Variants in HES7 observed in about 807,000 individuals in gnomAD.
HES7 encodes hes family bHLH transcription factor 7.
A neutral mutation model predicts 18.0 loss-of-function variants in HES7; 8 were observed. The ratio of observed to expected loss-of-function variants is 0.45; its 90% CI spans 0.26 to 0.80. HES7 has a LOEUF of 0.80. Among genes scored for constraint, HES7 ranks in the 30% least tolerant of loss-of-function variants. The pLI is 0.18. For missense variants in HES7, 356 were observed against 340.9 expected (o/e 1.04, Z -0.35); for synonymous variants, 170 against 158.6 (o/e 1.07, Z -0.54).
In HES7 at chr17:8,122,894, G is replaced by A; in HGVS notation, c.138+137C>T. 5.5e-6 allele frequency: 4 copies of A among 732,354 alleles called. No individual in the cohort carries two copies. The highest frequency in any genetic ancestry group is 1.7e-5 in the African/African-American group (1 of 57,584). 45.4% of individuals were successfully genotyped at this position (732,354 alleles called of 1,614,324 possible). ...TGAGAGCGAGTGGGGGTCTGGGATG[G>A]AATTCCAAAGGCGGGACTCGGGTGA... On this transcript the variant is annotated intron_variant, in intron 2 of 3. Coordinates refer to ENST00000541682, the MANE Select transcript of HES7 (RefSeq NM_001165967.2). This position sits in a 1 kb window ranked among gnomAD's most constrained non-coding sequence, Gnocchi z 6.9.
At chr17:8,125,805 C>T (rs915500734), upstream of HES7, among the ~76,000 whole-genome samples, 3 of 152,188 alleles carry the variant, frequency 2.0e-5, no homozygotes, top group Admixed American at 6.5e-5. Flanking sequence ...GGTTCGATTC[C>T]CGGCCAATGC....
upstream of HES7, among the ~76,000 whole-genome samples, chr17:8,125,802 T>C (rs1305461726): frequency 2.0e-5 from 3 of 152,224 alleles, no homozygotes; most frequent in East Asian, 1.9e-4. Context: ...CCGGGTTCGA[T>C]TCCCGGCCAA....
Position 8,123,370 on chromosome 17 carries a change from C to G in HES7, c.43-244G>C, listed in dbSNP as rs1334466010. ...TCTCAGTCTCGTCCTCCCTCCTCCC[C>G]TCTCTGTGTCTCTCCTCCTCTTTTC... On this transcript the variant is annotated intron_variant, in intron 1 of 3. Coordinates refer to ENST00000541682, the MANE Select transcript of HES7 (RefSeq NM_001165967.2). The surrounding 1 kb of genome is among the most constrained non-coding windows in gnomAD (Gnocchi z 5.9). 1 of 582,814 alleles carries G rather than the reference C, an allele frequency of 1.7e-6. No individual in the cohort carries two copies. The highest frequency in any genetic ancestry group is 3.1e-6 in the Non-Finnish European group (1 of 325,312). The allele number at this position is 582,814 out of a possible 1,614,324, so 36.1% of individuals were successfully genotyped here.
chr17:8,125,530 G>T (rs1346920510), upstream of HES7, among the ~76,000 whole-genome samples: 1 of 152,190 alleles, frequency 6.6e-6, no homozygotes. Flanking sequence ...GAGGCTGGGG[G>T]CCCCCGGCTG....
upstream of HES7, among the ~76,000 whole-genome samples, chr17:8,125,764 T>C (rs938291031): frequency 1.4e-4 from 22 of 152,146 alleles, no homozygotes; most frequent in Admixed American, 2.0e-4. Flanking sequence ...GGTTCAGTGG[T>C]AGAATTCTCG....
rs1981469388 is a variant in HES7 at position 8,123,476 on chromosome 17, C to T, written c.43-350G>A. On this transcript the variant is annotated intron_variant, in intron 1 of 3. Coordinates refer to ENST00000541682, the MANE Select transcript of HES7 (RefSeq NM_001165967.2). The surrounding 1 kb of genome is among the most constrained non-coding windows in gnomAD (Gnocchi z 5.9). ...ACTCTCTGCGCGCACGCACGTGCGC[C>T]GCACGGTGCCGGGCTCAGACCTGGC... is the stretch of plus-strand genomic sequence containing the variant. 2.5e-6 allele frequency: 1 copy of T among 399,962 alleles called. No individual in the cohort carries two copies. Among genetic ancestry groups the T allele is most frequent in the East Asian group, 5.2e-5 (1 of 19,212 alleles). The allele number at this position is 399,962 out of a possible 1,614,324, so 24.8% of individuals were successfully genotyped here.
upstream of HES7, among the ~76,000 whole-genome samples, chr17:8,126,390 C>A (rs1283421781): frequency 6.6e-6 from 1 of 152,118 alleles, no homozygotes; most frequent in Non-Finnish European, 1.5e-5. Context: ...CGCGTCTTGG[C>A]GTCTGCATCT....
At position 8,121,173 on chromosome 17, in the gene HES7, G is replaced by T; in HGVS notation, c.*398C>A. 1 of 174,774 alleles carries T rather than the reference G, an allele frequency of 5.7e-6. No individual in the cohort carries two copies. The highest frequency in any genetic ancestry group is 1.2e-5 in the Non-Finnish European group (1 of 83,274). The allele number at this position is 174,774 out of a possible 1,614,324, so 10.8% of individuals were successfully genotyped here. ...CTGTCTGCCCCGGGGCTTGGGCCAT[G>T]GAGAGCAGGACTGAGGGTGGGAGAC... On this transcript the variant is annotated 3_prime_UTR_variant, in exon 4 of 4. Transcript: ENST00000541682.
chr17:8,122,496 G>T lies in HES7; in HGVS notation c.139-66C>A. 8.8e-7 allele frequency: 1 copy of T among 1,139,334 alleles called. No individual in the cohort carries two copies. Among genetic ancestry groups the T allele is most frequent in the African/African-American group, 1.6e-5 (1 of 64,498 alleles). 70.6% of individuals were successfully genotyped at this position (1,139,334 alleles called of 1,614,324 possible). On this transcript the variant is annotated intron_variant, in intron 2 of 3. Transcript: ENST00000541682. The surrounding 1 kb of genome is among the most constrained non-coding windows in gnomAD (Gnocchi z 6.9). ...GGGAGAAAGGGGGAAAGTGGCAGGG[G>T]GAAGAAGGGAGGGACGGATGCGGGA...
upstream of HES7, among the ~76,000 whole-genome samples, chr17:8,126,617 A>G (rs2151855688): frequency 6.6e-6 from 1 of 151,986 alleles, no homozygotes; most frequent in African/African-American, 2.4e-5. Context: ...ACCTGCGGCG[A>G]CCACTTGTGA....
rs1004059410 is a variant in HES7 at position 8,124,094 on chromosome 17, G to C, written c.-10C>G. ...GATCCCGGGTGACCATTGCTCCTCC[G>C]GACCCTGTGTGGACCGGTTCCCTGC... is the stretch of plus-strand genomic sequence containing the variant. On this transcript the variant is annotated 5_prime_UTR_variant, in exon 1 of 4. Transcript: ENST00000541682. 2 of 1,613,984 alleles carry C rather than the reference G, an allele frequency of 1.2e-6. No homozygotes were observed. Among genetic ancestry groups the C allele is most frequent in the African/African-American group, 1.3e-5 (1 of 75,014 alleles).
chr17:8,121,559 AC>A lies in HES7; in HGVS notation c.*11del. 1.5e-6 allele frequency: 2 copies of A among 1,292,346 alleles called. No homozygotes were observed. The highest frequency in any genetic ancestry group is 9.7e-7 in the Non-Finnish European group (1 of 1,026,378). The allele number at this position is 1,292,346 out of a possible 1,614,324, so 80.1% of individuals were successfully genotyped here. ...CCCACCCCTAGACCCCGCCCCCACCACCCCCCAAGGCTCAGGGCCAAGGTCT... is the reference window on the plus strand; with the variant it reads ...CCCACCCCTAGACCCCGCCCCCACCACCCCCAAGGCTCAGGGCCAAGGTCT... On this transcript the variant is annotated 3_prime_UTR_variant, in exon 4 of 4. Transcript: ENST00000541682.
Position 8,122,556 on chromosome 17 carries a change from C to T in HES7, c.139-126G>A, listed in dbSNP as rs534588312. 2.1e-4 allele frequency: 149 copies of T among 707,140 alleles called. 1 individual carries two copies. In the East Asian group the frequency reaches 3.9e-3, roughly 18 times the overall value. The allele number at this position is 707,140 out of a possible 1,614,324, so 43.8% of individuals were successfully genotyped here. A position where few individuals can be genotyped will look rare whatever the true frequency, so the allele number is the denominator to read the frequency against. On this transcript the variant is annotated intron_variant, in intron 2 of 3. Transcript: ENST00000541682. This position sits in a 1 kb window ranked among gnomAD's most constrained non-coding sequence, Gnocchi z 6.9. ...GCCCCCGATCGCATTTGCGCACTGC[C>T]CACAGAACGCGCGACCAAATGCGGA...
chr17:8,124,100 T>C lies in HES7; in HGVS notation c.-16A>G, dbSNP rs1012262426. On this transcript the variant is annotated 5_prime_UTR_variant, in exon 1 of 4. Transcript: ENST00000541682. ...GGGTGACCATTGCTCCTCCGGACCC[T>C]GTGTGGACCGGTTCCCTGCTCGCCT... is the stretch of plus-strand genomic sequence containing the variant. The C allele has an allele frequency of 3.1e-6, 5 of 1,613,848 alleles. No homozygotes were observed. The African/African-American group carries it at 5.3e-5, about 17-fold the overall frequency.
Position 8,122,533 on chromosome 17 carries a change from C to T in HES7, c.139-103G>A, listed in dbSNP as rs1478518929. The T allele has an allele frequency of 1.2e-5, 10 of 826,428 alleles. No homozygotes were observed. The East Asian group carries it at 2.7e-4, about 22-fold the overall frequency. The allele number at this position is 826,428 out of a possible 1,614,324, so 51.2% of individuals were successfully genotyped here. A position where few individuals can be genotyped will look rare whatever the true frequency, so the allele number is the denominator to read the frequency against. ...GGACGGATGCGGGAGCTGGTGGTGC[C>T]CCCGATCGCATTTGCGCACTGCCCA... is the stretch of plus-strand genomic sequence containing the variant. On this transcript the variant is annotated intron_variant, in intron 2 of 3. Coordinates refer to ENST00000541682, the MANE Select transcript of HES7 (RefSeq NM_001165967.2). This position sits in a 1 kb window ranked among gnomAD's most constrained non-coding sequence, Gnocchi z 6.9.
Position 8,122,316 on chromosome 17 carries a change from CTCCGCTG to C in HES7, c.226+20_226+26del. 6.5e-7 allele frequency: 1 copy of C among 1,529,174 alleles called. No individual in the cohort carries two copies. Among genetic ancestry groups the C allele is most frequent in the Non-Finnish European group, 8.9e-7 (1 of 1,124,460 alleles). The allele number at this position is 1,529,174 out of a possible 1,614,324, so 94.7% of individuals were successfully genotyped here. A position where few individuals can be genotyped will look rare whatever the true frequency, so the allele number is the denominator to read the frequency against. The stretch of plus-strand genomic sequence containing the variant: ...GCCTCCTGGCGTCCCCCCTCCCTCC[CTCCGCTG>C]CCCCACCCCCGCGCTGTACCCGGGG... On this transcript the variant is annotated intron_variant, in intron 3 of 3. Transcript: ENST00000541682. The surrounding 1 kb of genome is among the most constrained non-coding windows in gnomAD (Gnocchi z 6.9).
In HES7 at chr17:8,123,505, C is replaced by T; in HGVS notation, c.43-379G>A. ...CGGTGCCGGGCTCAGACCTGGCGGC[C>T]CTGAGTATAGAAAGGGAGATACCTA... is the stretch of plus-strand genomic sequence containing the variant. On this transcript the variant is annotated intron_variant, in intron 1 of 3. Coordinates refer to ENST00000541682, the MANE Select transcript of HES7 (RefSeq NM_001165967.2). This position sits in a 1 kb window ranked among gnomAD's most constrained non-coding sequence, Gnocchi z 5.9. The T allele has an allele frequency of 8.5e-6, 3 of 352,568 alleles. No individual in the cohort carries two copies. Among genetic ancestry groups the T allele is most frequent in the East Asian group, 6.2e-5 (1 of 16,068 alleles). The allele number at this position is 352,568 out of a possible 1,614,324, so 21.8% of individuals were successfully genotyped here.
chr17:8,125,727 C>T (rs552198572), upstream of HES7, among the ~76,000 whole-genome samples: 1 of 152,186 alleles, frequency 6.6e-6, no homozygotes, highest in Non-Finnish European at 1.5e-5. Flanking sequence ...ATAGGATCCC[C>T]GCAGAATCTT....
At position 8,122,898 on chromosome 17, in the gene HES7, T is replaced by C; in HGVS notation, c.138+133A>G. The C allele has an allele frequency of 1.4e-6, 1 of 739,878 alleles. No homozygotes were observed. The highest frequency in any genetic ancestry group is 2.7e-5 in the East Asian group (1 of 37,096). The allele number at this position is 739,878 out of a possible 1,614,324, so 45.8% of individuals were successfully genotyped here. A position where few individuals can be genotyped will look rare whatever the true frequency, so the allele number is the denominator to read the frequency against. ...AGCGAGTGGGGGTCTGGGATGGAAT[T>C]CCAAAGGCGGGACTCGGGTGAGGAT... On this transcript the variant is annotated intron_variant, in intron 2 of 3. Coordinates refer to ENST00000541682, the MANE Select transcript of HES7 (RefSeq NM_001165967.2). The surrounding 1 kb of genome is among the most constrained non-coding windows in gnomAD (Gnocchi z 6.9).
Sources: gnomAD v4.1 joint callset for allele counts (sites outside exome capture counted in the v4.1 genomes callset) on GRCh38, gnomAD v4.1.1 for gene constraint, Gnocchi (gnomAD v3.1) non-coding constraint, MANE v1.5 for transcripts, NCBI Gene and HGNC (gene_info 2026-07-23, HGNC 2026-07-21) for gene names.